DCC: variants seen among roughly 807,000 people sequenced by gnomAD.
The protein encoded by DCC is netrin receptor DCC.
In DCC, 58 loss-of-function variants were observed where a neutral mutation model predicts 172.5. That is an observed-to-expected ratio of 0.34 (90% CI 0.27 to 0.42). DCC has a LOEUF of 0.42. DCC is among the 10% of genes least tolerant of loss of function. DCC has a pLI of 1.00. For synonymous variants in DCC, 709 were observed against 644.5 expected (o/e 1.10, Z -1.52); for missense variants, 1,740 against 1,791.0 (o/e 0.97, Z 0.51).
chr18:53,064,905 G>A (rs528628879), intron 6 of DCC, among the ~76,000 whole-genome samples: 2 of 152,162 alleles, frequency 1.3e-5, no homozygotes, highest in African/African-American at 4.8e-5. Context: ...CCTTAAGGAC[G>A]TATTGTAAAA....
intron 1 of DCC, among the ~76,000 whole-genome samples, chr18:52,426,116 T>C (rs952611429): frequency 6.6e-6 from 1 of 152,050 alleles, no homozygotes; most frequent in African/African-American, 2.4e-5. Flanking sequence ...ACTAAAATGT[T>C]GTAGTTTTGA....
chr18:52,821,483 AAG>A (rs2038406133), intron 2 of DCC, among the ~76,000 whole-genome samples: 1 of 152,186 alleles, frequency 6.6e-6, no homozygotes, highest in Admixed American at 6.5e-5. Context: ...ACTTTTTTGA[AAG>A]AGTGTTTTAT....
At chr18:52,980,562 AC>A (rs2041193911) in intron 5 of DCC, among the ~76,000 whole-genome samples, 1 of 152,136 alleles carries the variant, frequency 6.6e-6, no homozygotes, top group South Asian at 2.1e-4. Context: ...TTACAGTTCA[AC>A]TAACTATGTT....
rs1183302662 is a variant in DCC at position 53,428,357 on chromosome 18, T to A, written c.3164-6787T>A. 3.0e-4 allele frequency among the ~76,000 whole-genome samples: 16 copies of A among 53,270 alleles called. 3 individuals are homozygous for A. The highest frequency in any genetic ancestry group is 6.6e-4 in the Admixed American group (2 of 3,036). 34.9% of individuals were successfully genotyped at this position (53,270 alleles called of 152,430 possible). A position where few individuals can be genotyped will look rare whatever the true frequency, so the allele number is the denominator to read the frequency against. ...ATATTGTATATAATATAATATATGTTGTATATAATATAATATTATAATATA... is the reference window on the plus strand; with the variant it reads ...ATATTGTATATAATATAATATATGTAGTATATAATATAATATTATAATATA... On this transcript the variant is annotated intron_variant, in intron 21 of 28. Transcript: ENST00000442544.
chr18:52,703,457 C>A (rs897386497), intron 1 of DCC, among the ~76,000 whole-genome samples: 3 of 151,992 alleles, frequency 2.0e-5, no homozygotes, highest in African/African-American at 7.3e-5. Flanking sequence ...ACATTTGACA[C>A]CATTGTTTAC....
rs114376667 is a variant in DCC at position 52,526,232 on chromosome 18, G to A, written c.91+185354G>A. Reference sequence around the variant, plus strand: ...AGGCCCAGTGGAGAGAAAGAAGGGAGAGTGTGTGTCAGATAAAAGAAAGCA... The same window carrying A: ...AGGCCCAGTGGAGAGAAAGAAGGGAAAGTGTGTGTCAGATAAAAGAAAGCA... On this transcript the variant is annotated intron_variant, in intron 1 of 28. Coordinates refer to ENST00000442544, the MANE Select transcript of DCC (RefSeq NM_005215.4). 2.4e-3 allele frequency among the ~76,000 whole-genome samples: 363 copies of A among 152,290 alleles called. 1 individual carries two copies. Among genetic ancestry groups the A allele is most frequent in the African/African-American group, 8.5e-3 (354 of 41,568 alleles).
At chr18:53,233,437 C>G (rs140300982) in intron 12 of DCC, among the ~76,000 whole-genome samples, 91 of 152,248 alleles carry the variant, frequency 6.0e-4, no homozygotes, top group African/African-American at 2.1e-3. Context: ...AGTTTTCAGT[C>G]TTTCTATACA....
rs111833585 is a variant in DCC, at chr18:53,203,425, T to C, written c.1574-1791T>C. 6.6e-3 allele frequency among the ~76,000 whole-genome samples: 1,007 copies of C among 151,820 alleles called. 8 individuals carry two copies. Among genetic ancestry groups the C allele is most frequent in the Non-Finnish European group, 0.011 (776 of 68,008 alleles). On this transcript the variant is annotated intron_variant, in intron 9 of 28. Transcript: ENST00000442544. Reference sequence around the variant, plus strand: ...CAAGAAGGAAAAAAAACACAGTAATTTGTAAAGATAAAAAAATACAGTGTT... The same window carrying C: ...CAAGAAGGAAAAAAAACACAGTAATCTGTAAAGATAAAAAAATACAGTGTT...
At chr18:52,392,046 C>T (rs767967376) in intron 1 of DCC, among the ~76,000 whole-genome samples, 1 of 152,150 alleles carries the variant, frequency 6.6e-6, no homozygotes, top group African/African-American at 2.4e-5. Flanking sequence ...ATCAAATCTG[C>T]GTTATGAGGC....
chr18:52,948,992 C>T (rs2040593494), intron 5 of DCC, among the ~76,000 whole-genome samples: 1 of 152,172 alleles, frequency 6.6e-6, no homozygotes, highest in South Asian at 2.1e-4. Flanking sequence ...TCCAGTCATG[C>T]CATGCTTCCT....
At chr18:53,089,788 G>A (rs570015411) in intron 7 of DCC, among the ~76,000 whole-genome samples, 6 of 151,990 alleles carry the variant, frequency 3.9e-5, no homozygotes, top group Non-Finnish European at 7.4e-5. Flanking sequence ...GCAGTGAATT[G>A]TTTCATTATC....
intron 14 of DCC, among the ~76,000 whole-genome samples, chr18:53,330,014 T>G (rs566042330): frequency 6.6e-6 from 1 of 152,246 alleles, no homozygotes; most frequent in Non-Finnish European, 1.5e-5. Flanking sequence ...ACAGAAAATG[T>G]TTTTCTTCTC....
At chr18:53,160,299 C>T (rs2054815611) in intron 8 of DCC, among the ~76,000 whole-genome samples, 1 of 152,154 alleles carries the variant, frequency 6.6e-6, no homozygotes, top group South Asian at 2.1e-4. Context: ...ACTCTCCAGA[C>T]TCTTGTCTTA....
intron 24 of DCC, among the ~76,000 whole-genome samples, chr18:53,466,033 G>A (rs988747041): frequency 1.3e-5 from 2 of 152,108 alleles, no homozygotes; most frequent in African/African-American, 4.8e-5. Context: ...CAAAGTGCTG[G>A]GATTACAGGC....
At chr18:53,499,082 C>A (rs1393748311) in intron 26 of DCC, among the ~76,000 whole-genome samples, 3 of 152,166 alleles carry the variant, frequency 2.0e-5, no homozygotes. Context: ...AGATAAATTC[C>A]TGTCCTGCTG....
intron 15 of DCC, among the ~76,000 whole-genome samples, chr18:53,359,001 G>A (rs751540005): frequency 6.6e-6 from 1 of 152,120 alleles, no homozygotes; most frequent in African/African-American, 2.4e-5. Context: ...ATGTTGGGTG[G>A]AGAATTTTGA....
At chr18:53,404,710 G>A (rs1972044) in intron 19 of DCC, among the ~76,000 whole-genome samples, 47,185 of 150,886 alleles carry the variant, frequency 0.31, 9,038 homozygotes, top group Non-Finnish European at 0.45. Flanking sequence ...CAGCCTGGGC[G>A]ACAGAGTAAG....
Position 52,682,343 on chromosome 18 carries a change from G to C in DCC, c.92-69711G>C, listed in dbSNP as rs538038562. Among the ~76,000 whole-genome samples, 7 of 152,186 alleles carry C rather than the reference G, an allele frequency of 4.6e-5. 1 individual carries two copies. The highest frequency in any genetic ancestry group is 1.7e-4 in the African/African-American group (7 of 41,544). On this transcript the variant is annotated intron_variant, in intron 1 of 28. Coordinates refer to ENST00000442544, the MANE Select transcript of DCC (RefSeq NM_005215.4). ...GCAACAACGAGAAAAATATCCTGCTGGGATAAAACATGCACTCTAGTGGGA... is the reference window on the plus strand; with the variant it reads ...GCAACAACGAGAAAAATATCCTGCTCGGATAAAACATGCACTCTAGTGGGA...
chr18:52,807,923 G>A (rs935925919), intron 2 of DCC, among the ~76,000 whole-genome samples: 1 of 152,114 alleles, frequency 6.6e-6, no homozygotes, highest in African/African-American at 2.4e-5. Context: ...TTCACTGGTC[G>A]TTTGGTCCAG....
Sources: allele counts gnomAD v4.1 joint callset (sites outside exome capture counted in the v4.1 genomes callset), GRCh38; gene constraint gnomAD v4.1.1; transcripts MANE v1.5; gene names NCBI Gene and HGNC (gene_info 2026-07-23, HGNC 2026-07-21).